RAB6A: variants seen among roughly 807,000 people sequenced by gnomAD.
RAB6A encodes the protein RAB6A, member RAS oncogene family, also known as ras-related protein Rab-6A.
Under a neutral mutation model 32.3 loss-of-function variants are expected in RAB6A, and 8 were observed. The ratio of observed to expected loss-of-function variants is 0.25; its 90% CI spans 0.15 to 0.45. RAB6A has a LOEUF of 0.45. Ranked by LOEUF, RAB6A falls within the 20% of genes least tolerant of loss-of-function variation. The pLI is 1.00. For synonymous variants in RAB6A, 73 were observed against 82.1 expected, an observed-to-expected ratio of 0.89 and a Z score of 0.60; for missense variants, 104 against 249.4, an observed-to-expected ratio of 0.42 and a Z score of 3.93.
intron 2 of RAB6A, chr11:73,729,787 T>C (rs1946277332): frequency 6.6e-6 from 1 of 152,326 alleles, no homozygotes; most frequent in Admixed American, 6.6e-5. Context: ...GCACCTCCTC[T>C]ATGACACTGA....
chr11:73,679,919 A>C (rs1234258142), intron 6 of RAB6A, among the ~76,000 whole-genome samples, 199 bp from the exon 7 acceptor site: 1 of 151,316 alleles, frequency 6.6e-6, no homozygotes, highest in Non-Finnish European at 1.5e-5. Flanking sequence ...ACATGGTGAA[A>C]CTCTGTCTCT....
intron 5 of RAB6A, among the ~76,000 whole-genome samples, chr11:73,709,963 T>A (rs11235871): frequency 0.13 from 6,570 of 49,638 alleles, 208 homozygotes; most frequent in Middle Eastern, 0.18. Context: ...ATATATATAT[T>A]TTTTTTTTTT....
At chr11:73,696,413 C>T (rs1049836354) in intron 6 of RAB6A, among the ~76,000 whole-genome samples, 3 of 151,942 alleles carry the variant, frequency 2.0e-5, no homozygotes, top group Non-Finnish European at 2.9e-5. Flanking sequence ...AGGCTGGTCT[C>T]GAACTCCTGA....
chr11:73,677,614 A>G lies in RAB6A; in HGVS notation c.*284T>C. 1 of 761,922 alleles carries G rather than the reference A, an allele frequency of 1.3e-6. No homozygotes were observed. Among genetic ancestry groups the G allele is most frequent in the South Asian group, 2.3e-5 (1 of 44,344 alleles). 47.2% of individuals were successfully genotyped at this position (761,922 alleles called of 1,614,324 possible). A position where few individuals can be genotyped will look rare whatever the true frequency, so the allele number is the denominator to read the frequency against. On this transcript the variant is annotated 3_prime_UTR_variant, in exon 8 of 8. Transcript: ENST00000336083. ...TTTTGAAGTACATTATCATAACATT[A>G]AAAAAGAAAAAAATGTTAAGAAAAT...
chr11:73,744,125 T>A (rs942915444), intron 1 of RAB6A, among the ~76,000 whole-genome samples: 4 of 151,110 alleles, frequency 2.6e-5, no homozygotes, highest in Admixed American at 2.6e-4. Context: ...GATCACGAGG[T>A]CAAGAGATGG....
At chr11:73,700,953 G>T (rs993831481) in intron 6 of RAB6A, among the ~76,000 whole-genome samples, 2 of 152,052 alleles carry the variant, frequency 1.3e-5, no homozygotes, top group Non-Finnish European at 1.5e-5. Context: ...AAGGTTCTTG[G>T]GTGCTACAGC....
chr11:73,679,098 T>C (rs905174588), intron 7 of RAB6A, among the ~76,000 whole-genome samples: 11 of 152,112 alleles, frequency 7.2e-5, no homozygotes, highest in African/African-American at 1.2e-4. Flanking sequence ...CTACAAACTA[T>C]ATGGCTTAAT....
At chr11:73,699,010 C>G (rs1565352126) in intron 6 of RAB6A, among the ~76,000 whole-genome samples, 1 of 151,984 alleles carries the variant, frequency 6.6e-6, no homozygotes, top group Admixed American at 6.6e-5. Context: ...CGCCACCACA[C>G]CCAGCTAATT....
chr11:73,735,988 C>CTTT (rs1325790837), intron 1 of RAB6A, among the ~76,000 whole-genome samples: 1 of 140,568 alleles, frequency 7.1e-6, no homozygotes. Flanking sequence ...AATTCACCTA[C>CTTT]TTTTTTTTTT....
At position 73,709,962 on chromosome 11, in the gene RAB6A, T is replaced by TATATATA. The variant is rs113487024; in HGVS notation, c.402-2450_402-2449insTATATAT. 2.7e-3 allele frequency among the ~76,000 whole-genome samples: 358 copies of TATATATA among 132,732 alleles called. 3 individuals carry two copies. The highest frequency in any genetic ancestry group is 0.019 in the East Asian group (90 of 4,752). 87.1% of individuals were successfully genotyped at this position (132,732 alleles called of 152,430 possible). ...ACACACACACACACATATATATATA[T>TATATATA]TTTTTTTTTTTTTTGAGACGGAGTC... On this transcript the variant is annotated intron_variant, in intron 5 of 7. Coordinates refer to ENST00000336083, the MANE Select transcript of RAB6A (RefSeq NM_198896.2).
At chr11:73,694,446 A>AT (rs2134891565) in intron 6 of RAB6A, among the ~76,000 whole-genome samples, 1 of 152,342 alleles carries the variant, frequency 6.6e-6, no homozygotes, top group South Asian at 2.1e-4. Context: ...TAAATGGAGT[A>AT]TTTTTTATAT....
chr11:73,751,621 T>C (rs1280782037), intron 1 of RAB6A, among the ~76,000 whole-genome samples: 3 of 152,166 alleles, frequency 2.0e-5, no homozygotes, highest in Non-Finnish European at 2.9e-5. Context: ...AGCTGAAAAT[T>C]AGAAGATAAT....
At chr11:73,745,199 C>T (rs1946567999) in intron 1 of RAB6A, among the ~76,000 whole-genome samples, 1 of 152,062 alleles carries the variant, frequency 6.6e-6, no homozygotes, top group African/African-American at 2.4e-5. Context: ...ACTAGTTTAC[C>T]TCTCTCAACT....
chr11:73,746,599 T>A (rs1373859828), intron 1 of RAB6A, among the ~76,000 whole-genome samples: 1 of 151,850 alleles, frequency 6.6e-6, no homozygotes, highest in Non-Finnish European at 1.5e-5. Context: ...CAAGACCTCA[T>A]CTCTGCTAAA....
At chr11:73,740,001 G>A (rs1946468920) in intron 1 of RAB6A, among the ~76,000 whole-genome samples, 1 of 151,520 alleles carries the variant, frequency 6.6e-6, no homozygotes, top group South Asian at 2.1e-4. Context: ...AGAGGTTGCA[G>A]TGAGCCGAGA....
chr11:73,755,919 G>T (rs1378032348), intron 1 of RAB6A, among the ~76,000 whole-genome samples: 1 of 151,480 alleles, frequency 6.6e-6, no homozygotes, highest in Non-Finnish European at 1.5e-5. Context: ...AGGAGGAGGA[G>T]AAAGAAGAGG....
intron 2 of RAB6A, chr11:73,722,343 A>ATATTTTT (rs1946154425): frequency 6.5e-5 from 1 of 15,354 alleles, no homozygotes; most frequent in African/African-American, 2.7e-4. Context: ...ATATATATAT[A>ATATTTTT]TTTTTTTTTT....
chr11:73,730,990 C>T (rs1307988439), intron 1 of RAB6A, among the ~76,000 whole-genome samples, 167 bp from the exon 2 acceptor site: 1 of 152,158 alleles, frequency 6.6e-6, no homozygotes, highest in African/African-American at 2.4e-5. Flanking sequence ...ATGACTTTCT[C>T]CAAACACAGA....
intron 1 of RAB6A, among the ~76,000 whole-genome samples, chr11:73,739,201 C>G (rs1371976914): frequency 7.3e-6 from 1 of 137,394 alleles, no homozygotes; most frequent in Non-Finnish European, 1.5e-5. Context: ...GCCAAGATCA[C>G]AGCACTGCAC....
Sources: gnomAD v4.1 joint callset for allele counts (sites outside exome capture counted in the v4.1 genomes callset) on GRCh38, gnomAD v4.1.1 for gene constraint, MANE v1.5 for transcripts, NCBI Gene and HGNC (gene_info 2026-07-23, HGNC 2026-07-21) for gene names.